The following EXOC6B variants were observed in gnomAD, a reference collection of about 807,000 sequenced individuals.
EXOC6B encodes exocyst complex component 6B.
A neutral mutation model predicts 113.5 loss-of-function variants in EXOC6B; 54 were observed. That is an observed-to-expected ratio of 0.48 (90% confidence interval 0.38 to 0.60). EXOC6B has a LOEUF of 0.60. Among genes scored for constraint, EXOC6B ranks in the 20% least tolerant of loss-of-function variants. The pLI, the probability that EXOC6B is intolerant of heterozygous loss-of-function variation, is 0.00. For synonymous variants in EXOC6B, 357 were observed against 339.0 expected, an observed-to-expected ratio of 1.05 and a Z score of -0.58; for missense variants, 797 against 977.5, an observed-to-expected ratio of 0.82 and a Z score of 2.46.
At chr2:72,457,205 T>G (rs1451416117) in intron 18 of EXOC6B, among the ~76,000 whole-genome samples, 4 of 152,120 alleles carry the variant, frequency 2.6e-5, no homozygotes, top group Non-Finnish European at 5.9e-5. Context: ...ATGGGAGTAC[T>G]GACAGTTTGT....
At chr2:72,773,120 CTTT>C (rs1254377634) in intron 1 of EXOC6B, among the ~76,000 whole-genome samples, 68 of 94,886 alleles carry the variant, frequency 7.2e-4, no homozygotes, top group African/African-American at 2.9e-3. Context: ...CTTAGATTTT[CTTT>C]TTTTTTTTTT....
intron 19 of EXOC6B, among the ~76,000 whole-genome samples, chr2:72,344,556 GA>G (rs1480780154): frequency 6.6e-6 from 1 of 151,580 alleles, no homozygotes; most frequent in Non-Finnish European, 1.5e-5. Context: ...GGCAACTTTG[GA>G]AAAAAAATTC....
chr2:72,597,677 T>C (rs892719535), intron 6 of EXOC6B, among the ~76,000 whole-genome samples: 1 of 151,968 alleles, frequency 6.6e-6, no homozygotes, highest in Non-Finnish European at 1.5e-5. Context: ...GACTCAGCTA[T>C]ATGTTGCCTA....
chr2:72,649,801 C>G (rs946542849), intron 6 of EXOC6B, among the ~76,000 whole-genome samples: 4 of 152,080 alleles, frequency 2.6e-5, no homozygotes, highest in Non-Finnish European at 4.4e-5. Context: ...GGTACAAAAG[C>G]CTTTCAATGG....
intron 7 of EXOC6B, among the ~76,000 whole-genome samples, chr2:72,562,063 G>T (rs932537885): frequency 6.6e-6 from 1 of 152,106 alleles, no homozygotes; most frequent in African/African-American, 2.4e-5. Context: ...CCTCTGTGAA[G>T]AACACTAGGA....
chr2:72,644,290 G>T (rs1485502810), intron 6 of EXOC6B, among the ~76,000 whole-genome samples: 3 of 152,130 alleles, frequency 2.0e-5, no homozygotes, highest in Admixed American at 6.6e-5. Flanking sequence ...AGAAATATGG[G>T]ACTATGTGAA....
At chr2:72,593,939 G>A (rs909695935) in intron 6 of EXOC6B, among the ~76,000 whole-genome samples, 3 of 152,086 alleles carry the variant, frequency 2.0e-5, no homozygotes, top group Admixed American at 6.6e-5. Flanking sequence ...GGGACTGTTC[G>A]TTCCCTAGTA....
At chr2:72,340,595 C>G (rs1688971638) in intron 19 of EXOC6B, among the ~76,000 whole-genome samples, 1 of 152,130 alleles carries the variant, frequency 6.6e-6, no homozygotes, top group Non-Finnish European at 1.5e-5. Context: ...GCATCACCTG[C>G]TCTTGCTGAA....
intron 7 of EXOC6B, among the ~76,000 whole-genome samples, chr2:72,574,149 T>C (rs868793393): frequency 2.6e-5 from 4 of 151,822 alleles, no homozygotes; most frequent in South Asian, 2.1e-4. Flanking sequence ...TACATTCTTA[T>C]GATAGCTCCT....
chr2:72,263,478 T>C (rs138449282), intron 20 of EXOC6B: 1 of 152,188 alleles, frequency 6.6e-6, no homozygotes, highest in African/African-American at 2.4e-5. Flanking sequence ...AGCAGAAAAC[T>C]ATTATGCTGG....
chr2:72,715,237 A>C (rs1679532316), intron 6 of EXOC6B, among the ~76,000 whole-genome samples: 1 of 152,096 alleles, frequency 6.6e-6, no homozygotes, highest in African/African-American at 2.4e-5. Flanking sequence ...AAAAATTAAA[A>C]TAAACGTTTG....
At chr2:72,761,934 G>A (rs1682762560) in intron 1 of EXOC6B, among the ~76,000 whole-genome samples, 1 of 151,712 alleles carries the variant, frequency 6.6e-6, no homozygotes, top group Non-Finnish European at 1.5e-5. Context: ...GCAACATACT[G>A]CTCATCTCAA....
At chr2:72,216,145 G>C (rs1213343849) in intron 20 of EXOC6B, among the ~76,000 whole-genome samples, 2 of 151,660 alleles carry the variant, frequency 1.3e-5, no homozygotes, top group Non-Finnish European at 2.9e-5. Context: ...AGCAAGCAAT[G>C]AATAATCAAT....
At chr2:72,694,078 G>C (rs1440118542) in intron 6 of EXOC6B, among the ~76,000 whole-genome samples, 1 of 152,140 alleles carries the variant, frequency 6.6e-6, no homozygotes, top group Non-Finnish European at 1.5e-5. Flanking sequence ...CTAAAAGAAT[G>C]TCCTAAGGAG....
intron 6 of EXOC6B, among the ~76,000 whole-genome samples, chr2:72,596,183 T>C (rs1450052454): frequency 6.6e-6 from 1 of 152,120 alleles, no homozygotes; most frequent in African/African-American, 2.4e-5. Context: ...GTGACTCCCA[T>C]ATTCACAACA....
At chr2:72,606,739 C>G (rs1212746144) in intron 6 of EXOC6B, among the ~76,000 whole-genome samples, 1 of 151,480 alleles carries the variant, frequency 6.6e-6, no homozygotes, top group African/African-American at 2.4e-5. Flanking sequence ...AGAGGTTTTC[C>G]TGCTTCAGCC....
chr2:72,811,883 G>A (rs1030638972), intron 1 of EXOC6B, among the ~76,000 whole-genome samples: 2 of 152,094 alleles, frequency 1.3e-5, no homozygotes, highest in Admixed American at 6.6e-5. Flanking sequence ...AATAGGAATA[G>A]AGGAAAATTT....
chr2:72,803,631 G>A (rs903244423), intron 1 of EXOC6B, among the ~76,000 whole-genome samples: 10 of 152,190 alleles, frequency 6.6e-5, no homozygotes, highest in Admixed American at 5.2e-4. Context: ...AATAAACACA[G>A]GGAAAAAGGA....
intron 2 of EXOC6B, among the ~76,000 whole-genome samples, chr2:72,737,083 T>C (rs1413097202): frequency 6.6e-6 from 1 of 152,014 alleles, no homozygotes; most frequent in Non-Finnish European, 1.5e-5. Context: ...ATGCCTGTGA[T>C]ACCAACACTT....
Sources: allele counts gnomAD v4.1 joint callset (sites outside exome capture counted in the v4.1 genomes callset), GRCh38; gene constraint gnomAD v4.1.1; transcripts MANE v1.5; gene names NCBI Gene and HGNC (gene_info 2026-07-23, HGNC 2026-07-21).